Variants in NFIA observed in about 807,000 individuals in gnomAD.
NFIA encodes nuclear factor I A.
NFIA carries 8 observed loss-of-function variants against 62.8 expected under a neutral mutation model. The ratio of observed to expected loss-of-function variants is 0.13; its 90% CI spans 0.07 to 0.23. The LOEUF (loss-of-function observed/expected upper bound fraction) is 0.23, where lower values mean the gene tolerates loss of function less well. NFIA is among the 10% of genes least tolerant of loss of function. NFIA has a pLI of 1.00. For synonymous variants in NFIA, 235 were observed against 238.1 expected, an observed-to-expected ratio of 0.99 and a Z score of 0.12; for missense variants, 410 against 642.1, an observed-to-expected ratio of 0.64 and a Z score of 3.91.
chr1:61,384,856 A>G lies in NFIA; in HGVS notation c.1075+1491A>G, dbSNP rs574910466. On this transcript the variant is annotated intron_variant, in intron 7 of 10. Transcript: ENST00000403491. ...AAACAAGGATTTACTGAGTGCCTCTATAGACACTGGGACCAGTGGTTCCTG... is the reference window on the plus strand; with the variant it reads ...AAACAAGGATTTACTGAGTGCCTCTGTAGACACTGGGACCAGTGGTTCCTG... 1.2e-4 allele frequency among the ~76,000 whole-genome samples: 19 copies of G among 152,316 alleles called. No homozygotes were observed. In the South Asian group the frequency reaches 3.7e-3, roughly 30 times the overall value.
chr1:61,404,523 C>T (rs943650857), intron 8 of NFIA, among the ~76,000 whole-genome samples: 1 of 152,146 alleles, frequency 6.6e-6, no homozygotes, highest in Non-Finnish European at 1.5e-5. Flanking sequence ...TAAATCAGCT[C>T]AAGGGTGAAC....
chr1:61,087,901 A>T (rs960729857), intron 1 of NFIA, among the ~76,000 whole-genome samples: 5 of 152,162 alleles, frequency 3.3e-5, no homozygotes, highest in African/African-American at 1.2e-4. Flanking sequence ...ACCCTGGTGA[A>T]CATATTAAAA....
At chr1:61,295,497 G>A (rs1239582520) in intron 3 of NFIA, among the ~76,000 whole-genome samples, 2 of 152,060 alleles carry the variant, frequency 1.3e-5, no homozygotes, top group African/African-American at 2.4e-5. Flanking sequence ...TAATTCTTTC[G>A]GGCAGAACTT....
chr1:61,118,058 G>A (rs896127432), intron 2 of NFIA, among the ~76,000 whole-genome samples: 55 of 152,000 alleles, frequency 3.6e-4, no homozygotes, highest in African/African-American at 1.2e-3. Context: ...GGTGGCAGGC[G>A]CCTGTGATCC....
chr1:61,100,939 C>CTT (rs57533806), intron 2 of NFIA, among the ~76,000 whole-genome samples: 91 of 142,130 alleles, frequency 6.4e-4, no homozygotes, highest in Non-Finnish European at 9.9e-4. Flanking sequence ...GTTAACATTG[C>CTT]TTTTTTTTTT....
intron 5 of NFIA, among the ~76,000 whole-genome samples, chr1:61,357,741 T>G (rs1663039931): frequency 6.6e-6 from 1 of 152,188 alleles, no homozygotes; most frequent in African/African-American, 2.4e-5. Flanking sequence ...GCACAGCACC[T>G]GGCATGTAGG....
intron 2 of NFIA, among the ~76,000 whole-genome samples, chr1:61,097,900 A>G (rs1167662695): frequency 1.3e-5 from 2 of 152,186 alleles, no homozygotes; most frequent in Admixed American, 1.3e-4. Flanking sequence ...TAGGTTGACA[A>G]ATTCTCATCA....
rs140257006 is a variant in NFIA, at chr1:61,180,424, G to T, written c.559+91744G>T. ...CTTTGGGTTTTGAAGTAGAAGTGAT[G>T]GTCCAGAATATTTATATTACTCATT... is the stretch of plus-strand genomic sequence containing the variant. On this transcript the variant is annotated intron_variant, in intron 2 of 10. Coordinates refer to ENST00000403491, the MANE Select transcript of NFIA (RefSeq NM_001134673.4). 9.4e-3 allele frequency among the ~76,000 whole-genome samples: 1,424 copies of T among 152,166 alleles called. 14 individuals carry two copies. Among genetic ancestry groups the T allele is most frequent in the Middle Eastern group, 0.061 (18 of 294 alleles).
intron 3 of NFIA, among the ~76,000 whole-genome samples, chr1:61,321,426 GAAGGAAGGA>G (rs1557704981): frequency 6.6e-6 from 1 of 151,866 alleles, no homozygotes; most frequent in Non-Finnish European, 1.5e-5. Context: ...AGGGAGGGAG[GAAGGAAGGA>G]AAGGAAGGGA....
intron 3 of NFIA, among the ~76,000 whole-genome samples, chr1:61,304,567 G>A (rs1362097677): frequency 6.6e-6 from 1 of 152,100 alleles, no homozygotes; most frequent in East Asian, 1.9e-4. Context: ...GGAACTCATA[G>A]AATATCCTCA....
intron 2 of NFIA, among the ~76,000 whole-genome samples, chr1:61,265,052 T>C (rs1218712892): frequency 6.6e-6 from 1 of 152,222 alleles, no homozygotes; most frequent in Non-Finnish European, 1.5e-5. Flanking sequence ...TTCCTTGTTA[T>C]ATAGGATGTT....
rs550696694 is a variant in NFIA at position 61,413,219 on chromosome 1, A to G, written c.1420+6492A>G. Among the ~76,000 whole-genome samples the G allele has an allele frequency of 5.3e-5, 8 of 152,292 alleles. No homozygotes were observed. The East Asian group carries it at 1.5e-3, about 29-fold the overall frequency. ...TTATTTATTTTTATATCTTTGATGA[A>G]TCTTGTATATATTCATTATACAAAT... is the stretch of plus-strand genomic sequence containing the variant. On this transcript the variant is annotated intron_variant, in intron 9 of 10. Coordinates refer to ENST00000403491, the MANE Select transcript of NFIA (RefSeq NM_001134673.4).
chr1:61,248,539 G>A (rs1162296488), intron 2 of NFIA, among the ~76,000 whole-genome samples: 1 of 152,102 alleles, frequency 6.6e-6, no homozygotes, highest in Non-Finnish European at 1.5e-5. Flanking sequence ...TCTTTTGTTT[G>A]GAGCACAGCT....
intron 2 of NFIA, among the ~76,000 whole-genome samples, chr1:61,248,264 G>A (rs774971855): frequency 3.3e-5 from 5 of 152,200 alleles, no homozygotes; most frequent in Non-Finnish European, 7.3e-5. Context: ...GTAATATCAT[G>A]AGTGCAGTTT....
At chr1:61,350,807 C>CT (rs1308387772) in intron 4 of NFIA, among the ~76,000 whole-genome samples, 3 of 152,218 alleles carry the variant, frequency 2.0e-5, no homozygotes, top group Non-Finnish European at 4.4e-5. Flanking sequence ...TCCTCCATCC[C>CT]TTTCAGTTGC....
intron 2 of NFIA, among the ~76,000 whole-genome samples, chr1:61,164,536 T>C (rs1406448012): frequency 6.6e-6 from 1 of 152,156 alleles, no homozygotes; most frequent in Non-Finnish European, 1.5e-5. Flanking sequence ...CTCAGCTCAC[T>C]GCAAGCTCTG....
intron 5 of NFIA, among the ~76,000 whole-genome samples, chr1:61,355,837 C>A (rs143043912): frequency 6.6e-6 from 1 of 152,188 alleles, no homozygotes; most frequent in African/African-American, 2.4e-5. Context: ...ATCCTCCTGC[C>A]TTGGCCTCCC....
chr1:61,086,800 C>G (rs1411545422), intron 1 of NFIA, among the ~76,000 whole-genome samples: 1 of 152,052 alleles, frequency 6.6e-6, no homozygotes, highest in Admixed American at 6.6e-5. Flanking sequence ...TAATAATATT[C>G]TGGACATTAC....
At chr1:61,318,805 T>G (rs1425834488) in intron 3 of NFIA, among the ~76,000 whole-genome samples, 1 of 152,178 alleles carries the variant, frequency 6.6e-6, no homozygotes, top group Non-Finnish European at 1.5e-5. Flanking sequence ...TTCAGCCAGG[T>G]TGGTTTTTGC....
Sources: allele counts gnomAD v4.1 joint callset (sites outside exome capture counted in the v4.1 genomes callset), GRCh38; gene constraint gnomAD v4.1.1; transcripts MANE v1.5; gene names NCBI Gene and HGNC (gene_info 2026-07-23, HGNC 2026-07-21).